The following RABGAP1 variants were observed in gnomAD, a reference collection of about 807,000 sequenced individuals.
The protein encoded by RABGAP1 is rab GTPase-activating protein 1.
RABGAP1 carries 23 observed loss-of-function variants against 137.6 expected under a neutral mutation model. The observed-to-expected ratio is 0.17, with a 90% CI of 0.12 to 0.24. The LOEUF is 0.24. Ranked by LOEUF, RABGAP1 falls within the 10% of genes least tolerant of loss-of-function variation. The pLI, the probability that RABGAP1 is intolerant of heterozygous loss-of-function variation, is 1.00. For missense variants in RABGAP1, 906 were observed against 1,275.8 expected, an observed-to-expected ratio of 0.71 and a Z score of 4.42; for synonymous variants, 451 against 450.7, an observed-to-expected ratio of 1.00 and a Z score of -0.01.
At chr9:123,056,050 G>C (rs921090457) in intron 13 of RABGAP1, among the ~76,000 whole-genome samples, 12 of 152,060 alleles carry the variant, frequency 7.9e-5, no homozygotes, top group African/African-American at 2.9e-4. Flanking sequence ...TATCTGCCCT[G>C]GTCCTAGAAT....
intron 21 of RABGAP1, among the ~76,000 whole-genome samples, chr9:123,092,038 A>G (rs78927059): frequency 0.059 from 8,992 of 152,204 alleles, 314 homozygotes; most frequent in Non-Finnish European, 0.066. Context: ...AGAAAGGAGG[A>G]AAAAAAGGAA....
intron 21 of RABGAP1, among the ~76,000 whole-genome samples, chr9:123,097,004 T>A (rs1049166426): frequency 2.0e-5 from 3 of 152,200 alleles, no homozygotes; most frequent in Non-Finnish European, 2.9e-5. Context: ...TTCAGGGAAA[T>A]CCTATCCATA....
chr9:122,933,628 AATT>A, the RABGAP1 span, among the ~76,000 whole-genome samples: 2 of 149,606 alleles, frequency 1.3e-5, no homozygotes, highest in African/African-American at 4.9e-5. Flanking sequence ...ACTTTTTGTA[AATT>A]ATTATTATTT....
chr9:123,069,169 C>G (rs1019591452), intron 14 of RABGAP1, among the ~76,000 whole-genome samples: 5 of 152,138 alleles, frequency 3.3e-5, no homozygotes, highest in Admixed American at 2.6e-4. Context: ...GGGTAGTAAT[C>G]ATTTGCTGCC....
intron 1 of RABGAP1, among the ~76,000 whole-genome samples, chr9:122,942,687 A>AAAAAAC (rs1554781095): frequency 4.1e-5 from 6 of 148,140 alleles, no homozygotes; most frequent in Middle Eastern, 3.4e-3. Flanking sequence ...AAAAAAAAAA[A>AAAAAAC]ACACAAAAAA....
intron 21 of RABGAP1, among the ~76,000 whole-genome samples, chr9:123,095,926 T>C (rs982588482): frequency 6.6e-5 from 10 of 152,234 alleles, no homozygotes; most frequent in Non-Finnish European, 1.3e-4. Context: ...AGAGATTATA[T>C]CCTGCCTGAT....
chr9:123,064,006 G>A (rs1040837366), intron 13 of RABGAP1, among the ~76,000 whole-genome samples: 3 of 151,830 alleles, frequency 2.0e-5, no homozygotes, highest in South Asian at 2.1e-4. Context: ...TACCTTGCCC[G>A]CCCCAAAATT....
At position 123,007,553 on chromosome 9, in the gene RABGAP1, ATTTTTTTTTT is replaced by A. The variant is rs34448685; in HGVS notation, c.1375-2788_1375-2779del. ...CCACCACACCTGGCTAAGTTTTTGT[ATTTTTTTTTT>A]TTTTTTTTTTTTAAGAAAGAGATGG... On this transcript the variant is annotated intron_variant, in intron 10 of 25. Coordinates refer to ENST00000373647, the MANE Select transcript of RABGAP1 (RefSeq NM_012197.4). Among the ~76,000 whole-genome samples, 12 of 104,516 alleles carry A rather than the reference ATTTTTTTTTT, an allele frequency of 1.1e-4. No homozygotes were observed. In the South Asian group the frequency reaches 1.4e-3, roughly 12 times the overall value. The allele number at this position is 104,516 out of a possible 152,430, so 68.6% of individuals were successfully genotyped here. A position where few individuals can be genotyped will look rare whatever the true frequency, so the allele number is the denominator to read the frequency against.
rs569772776 is a variant in RABGAP1 at position 122,942,513 on chromosome 9, T to C, written c.-50+1420T>C. On this transcript the variant is annotated intron_variant, in intron 1 of 25. Coordinates refer to ENST00000373647, the MANE Select transcript of RABGAP1 (RefSeq NM_012197.4). ...GGTGAAACCAGGTCTCTACTGAAAA[T>C]ACAAAAATTAGACGGGCGTAGTGGC... 5.3e-5 allele frequency among the ~76,000 whole-genome samples: 8 copies of C among 151,454 alleles called. No individual in the cohort carries two copies. In the East Asian group the frequency reaches 1.6e-3, roughly 29 times the overall value.
intron 7 of RABGAP1, 144 bp downstream of exon 7, chr9:122,996,295 C>T: frequency 2.2e-6 from 3 of 1,368,286 alleles, no homozygotes; most frequent in Non-Finnish European, 2.9e-6. Flanking sequence ...GTCAGTGCTT[C>T]ATTACTTTGA....
rs745847814 is a variant in RABGAP1, at chr9:123,010,345, A to G, written c.1375-9A>G. On this transcript the variant is annotated splice_polypyrimidine_tract_variant and intron_variant, in intron 10 of 25. Transcript: ENST00000373647. ...ACTGCTTAATAAATAATATTTTTTC[A>G]TCTTCAAGATAAAGCAAAGGGAGAG... 1.3e-6 allele frequency: 2 copies of G among 1,587,246 alleles called. No individual in the cohort carries two copies. Among genetic ancestry groups the G allele is most frequent in the Non-Finnish European group, 1.7e-6 (2 of 1,163,820 alleles).
intron 11 of RABGAP1, among the ~76,000 whole-genome samples, chr9:123,014,043 C>T (rs989877275): frequency 4.6e-5 from 7 of 152,062 alleles, no homozygotes; most frequent in Non-Finnish European, 7.4e-5. Context: ...AATATGCATT[C>T]TTTTTAAAAC....
At position 123,034,064 on chromosome 9, in the gene RABGAP1, C is replaced by T. The variant is rs76478407; in HGVS notation, c.1794+13605C>T. 1.6e-4 allele frequency: 26 copies of T among 161,706 alleles called. No homozygotes were observed. The East Asian group carries it at 4.8e-3, about 30-fold the overall frequency. 10.0% of individuals were successfully genotyped at this position (161,706 alleles called of 1,614,324 possible). A position where few individuals can be genotyped will look rare whatever the true frequency, so the allele number is the denominator to read the frequency against. On this transcript the variant is annotated intron_variant, in intron 13 of 25. Coordinates refer to ENST00000373647, the MANE Select transcript of RABGAP1 (RefSeq NM_012197.4). Reference sequence around the variant, plus strand: ...TTGAGGGTAGCCGTGAATAGTGGTGCCAGTAGGGGTGGAGCGGGAGGGATG... The same window carrying T: ...TTGAGGGTAGCCGTGAATAGTGGTGTCAGTAGGGGTGGAGCGGGAGGGATG...
intron 13 of RABGAP1, among the ~76,000 whole-genome samples, chr9:123,031,939 C>T (rs994037737): frequency 9.2e-5 from 14 of 152,322 alleles, no homozygotes; most frequent in Non-Finnish European, 1.3e-4. Context: ...GAATAATTGA[C>T]GCCATGTCAT....
chr9:122,944,226 A>G (rs1833796823), intron 1 of RABGAP1, among the ~76,000 whole-genome samples: 1 of 150,822 alleles, frequency 6.6e-6, no homozygotes, highest in East Asian at 1.9e-4. Context: ...TGAATACAAC[A>G]CACTTTTTTT....
At chr9:123,047,605 T>A (rs1366584158) in intron 13 of RABGAP1, among the ~76,000 whole-genome samples, 4 of 152,174 alleles carry the variant, frequency 2.6e-5, no homozygotes, top group Admixed American at 2.6e-4. Context: ...TGTTTTTTGA[T>A]ACTTATTAAG....
chr9:123,057,152 GC>G (rs2033746847), intron 13 of RABGAP1, among the ~76,000 whole-genome samples: 1 of 150,926 alleles, frequency 6.6e-6, no homozygotes, highest in South Asian at 2.1e-4. Flanking sequence ...CCTGGCGGGG[GC>G]TGACCCCCAC....
At chr9:123,050,288 CT>C (rs1355915686) in intron 13 of RABGAP1, among the ~76,000 whole-genome samples, 2 of 152,164 alleles carry the variant, frequency 1.3e-5, no homozygotes, top group African/African-American at 4.8e-5. Flanking sequence ...TTTACTATTT[CT>C]TTTTGGTCCA....
chr9:122,982,826 A>G (rs185631823), intron 2 of RABGAP1, among the ~76,000 whole-genome samples: 1 of 152,262 alleles, frequency 6.6e-6, no homozygotes, highest in Admixed American at 6.5e-5. Flanking sequence ...ACTTGAGCCC[A>G]GGAGTTCAAG....
Sources: allele counts gnomAD v4.1 joint callset (sites outside exome capture counted in the v4.1 genomes callset), GRCh38; gene constraint gnomAD v4.1.1; transcripts MANE v1.5; gene names NCBI Gene and HGNC (gene_info 2026-07-23, HGNC 2026-07-21).